PCDHA4: variants seen among roughly 807,000 people sequenced by gnomAD.
The protein encoded by PCDHA4 is protocadherin alpha 4, also known as protocadherin alpha-4.
Under a neutral mutation model 61.4 loss-of-function variants are expected in PCDHA4, and 49 were observed. That is an observed-to-expected ratio of 0.80 (90% CI 0.63 to 1.01). The LOEUF is 1.01. PCDHA4 is among the 50% of genes least tolerant of loss of function. PCDHA4 has a pLI of 0.00. For missense variants in PCDHA4, 1,254 were observed against 1,235.8 expected (o/e 1.01, Z -0.22); for synonymous variants, 590 against 550.3 (o/e 1.07, Z -1.01).
intron 1 of PCDHA4, among the ~76,000 whole-genome samples, chr5:140,946,468 C>T (rs1249840749): frequency 1.3e-5 from 2 of 151,720 alleles, no homozygotes; most frequent in Non-Finnish European, 2.9e-5. Flanking sequence ...AATCCCACTA[C>T]TGGGTATATA....
At chr5:140,886,276 A>T (rs1352172114) in intron 1 of PCDHA4, among the ~76,000 whole-genome samples, 3 of 152,062 alleles carry the variant, frequency 2.0e-5, no homozygotes, top group Admixed American at 1.3e-4. Flanking sequence ...AAAATTTTTT[A>T]AAATTATTTT....
At chr5:140,824,106 G>A in intron 1 of PCDHA4, 1 of 1,614,086 alleles carries the variant, frequency 6.2e-7, no homozygotes, top group Non-Finnish European at 8.5e-7. Context: ...GCCTTCCTCA[G>A]GGTCCCACCT....
intron 1 of PCDHA4, chr5:140,828,590 A>G (rs1562298438): frequency 3.1e-6 from 5 of 1,614,240 alleles, no homozygotes; most frequent in Non-Finnish European, 4.2e-6. Flanking sequence ...CTCAAATTCC[A>G]TCTTAACCTA....
At chr5:140,941,095 A>C (rs2092727620) in intron 1 of PCDHA4, among the ~76,000 whole-genome samples, 1 of 152,062 alleles carries the variant, frequency 6.6e-6, no homozygotes, top group South Asian at 2.1e-4. Flanking sequence ...TAGTTTTCAC[A>C]TACTATTACT....
At chr5:140,901,666 T>C (rs539450371) in intron 1 of PCDHA4, among the ~76,000 whole-genome samples, 12 of 152,346 alleles carry the variant, frequency 7.9e-5, no homozygotes, top group African/African-American at 2.6e-4. Context: ...TTGCTCAAGA[T>C]ACCTTTAGGT....
At chr5:140,926,982 G>A (rs1554203886) in intron 1 of PCDHA4, 1 of 1,610,398 alleles carries the variant, frequency 6.2e-7, no homozygotes, top group East Asian at 2.2e-5. Flanking sequence ...CGGAGGAGAC[G>A]GAGCGGGGCG....
At chr5:140,984,547 C>T (rs1554246370) in intron 3 of PCDHA4, among the ~76,000 whole-genome samples, 2 of 152,118 alleles carry the variant, frequency 1.3e-5, no homozygotes, top group Non-Finnish European at 2.9e-5. Context: ...CTGGATAGAG[C>T]TTACATCTTC....
chr5:140,934,741 T>TATG (rs2090025323), intron 1 of PCDHA4, among the ~76,000 whole-genome samples: 1 of 152,144 alleles, frequency 6.6e-6, no homozygotes, highest in Non-Finnish European at 1.5e-5. Flanking sequence ...TAGGTGTCAT[T>TATG]ATGAACTCAT....
intron 1 of PCDHA4, chr5:140,867,086 T>G (rs2049743912): frequency 6.6e-6 from 1 of 152,178 alleles, no homozygotes; most frequent in African/African-American, 2.4e-5. Context: ...ACTGTATTGT[T>G]GGAAATTAAC....
At chr5:140,931,390 G>A (rs1296292494) in intron 1 of PCDHA4, among the ~76,000 whole-genome samples, 1 of 152,038 alleles carries the variant, frequency 6.6e-6, no homozygotes, top group Non-Finnish European at 1.5e-5. Flanking sequence ...GGAAACATAA[G>A]TAAGCGATAG....
rs1764262210 is a variant in PCDHA4, at chr5:140,808,782, A to G, written c.1595A>G (p.Gln532Arg). 6.2e-7 allele frequency: 1 copy of G among 1,612,468 alleles called. No homozygotes were observed. Among genetic ancestry groups the G allele is most frequent in the African/African-American group, 1.3e-5 (1 of 74,902 alleles). ...GACCACGAGGAGCTAGAGCTGCTGC[A>G]GTTTCAGGTGACCGCTCGCGATGCC... ...PLDHEELELL[Q>R]FQVTARDAGV... is the part of the protein sequence containing the mutation. Residue 532 changes from glutamine (Q) to arginine (R), a missense_variant, in exon 1 of 4, where the codon CAG (glutamine) becomes CGG (arginine). By Grantham distance (43) the Gln-to-Arg change is conservative. Transcript: ENST00000530339.
At chr5:140,955,438 A>C (rs975663366) in intron 1 of PCDHA4, among the ~76,000 whole-genome samples, 2 of 151,994 alleles carry the variant, frequency 1.3e-5, no homozygotes, top group African/African-American at 4.8e-5. Context: ...ATTAGGTCTG[A>C]TGGTTTTATA....
intron 1 of PCDHA4, among the ~76,000 whole-genome samples, chr5:140,916,856 G>C (rs529499839): frequency 2.6e-5 from 4 of 152,254 alleles, no homozygotes; most frequent in South Asian, 2.1e-4. Flanking sequence ...CCAGCACTAG[G>C]AGTTACCTAG....
At position 140,808,709 on chromosome 5, in the gene PCDHA4, G is replaced by C. The variant is rs782467255; in HGVS notation, c.1522G>C (p.Val508Leu). The change falls in exon 1 of 4, where the codon GTT becomes CTT. Residue 508 changes from valine (V) to leucine (L), a missense_variant. Physicochemically the swap from Val to Leu is conservative, Grantham distance 32. Transcript: ENST00000530339. ...RVGERALSSY[V>L]SVHAESGKVY... ...AGGGGAGCGCGCGCTGTCGAGCTAC[G>C]TTTCGGTGCATGCGGAGAGCGGCAA... 1.2e-6 allele frequency: 2 copies of C among 1,612,236 alleles called. No individual in the cohort carries two copies. Among genetic ancestry groups the C allele is most frequent in the Non-Finnish European group, 1.7e-6 (2 of 1,179,816 alleles).
At chr5:140,967,921 C>A (rs781932025) in intron 1 of PCDHA4, 3 of 1,614,172 alleles carry the variant, frequency 1.9e-6, no homozygotes, top group Middle Eastern at 3.3e-4. Context: ...CCATTGTGGC[C>A]GTTCTCAGTG....
rs144119560 is a variant in PCDHA4 at position 140,883,581 on chromosome 5, C to G, written c.2385+74009C>G. ...GGGGGCTCGCCTTCGCTGTGGGCCACGGCCAGCGTGTCGGTGGGGGTGGCC... is the reference window on the plus strand; with the variant it reads ...GGGGGCTCGCCTTCGCTGTGGGCCAGGGCCAGCGTGTCGGTGGGGGTGGCC... On this transcript the variant is annotated intron_variant, in intron 1 of 3. Coordinates refer to ENST00000530339, the MANE Select transcript of PCDHA4 (RefSeq NM_018907.4). 2.6e-4 allele frequency: 420 copies of G among 1,614,018 alleles called. 1 individual carries two copies. In the African/African-American group the frequency reaches 5.3e-3, roughly 20 times the overall value.
chr5:140,928,821 C>T, intron 1 of PCDHA4: 2 of 1,614,142 alleles, frequency 1.2e-6, no homozygotes, highest in Non-Finnish European at 1.7e-6. Context: ...ACCATGGAGA[C>T]CCACCACTTT....
At chr5:140,814,765 G>A (rs1001115968) in intron 1 of PCDHA4, 2 of 151,980 alleles carry the variant, frequency 1.3e-5, no homozygotes, top group Non-Finnish European at 2.9e-5. Context: ...TTGTACATGT[G>A]GTCTGTTATT....
At chr5:140,839,657 C>T (rs1377824888) in intron 1 of PCDHA4, among the ~76,000 whole-genome samples, 2 of 152,010 alleles carry the variant, frequency 1.3e-5, no homozygotes, top group East Asian at 1.9e-4. Context: ...AAATTGTTTG[C>T]TACTATTTAG....
Sources: allele counts gnomAD v4.1 joint callset (sites outside exome capture counted in the v4.1 genomes callset), GRCh38; gene constraint gnomAD v4.1.1; transcripts MANE v1.5; gene names NCBI Gene and HGNC (gene_info 2026-07-23, HGNC 2026-07-21).